Variants in TRPM3 observed in about 807,000 individuals in gnomAD.
TRPM3 encodes long transient receptor potential channel 3.
In TRPM3, 77 loss-of-function variants were observed where a neutral mutation model predicts 181.2. That is an observed-to-expected ratio of 0.42 (90% CI 0.35 to 0.51). The LOEUF is 0.51. Among genes scored for constraint, TRPM3 ranks in the 20% least tolerant of loss-of-function variants. The probability of loss-of-function intolerance (pLI) is 0.01; values close to 1 mark genes in which losing one functional copy is unlikely to be tolerated. For missense variants in TRPM3, 1,759 were observed against 2,196.7 expected (o/e 0.80, Z 3.98); for synonymous variants, 745 against 796.4 (o/e 0.94, Z 1.09).
rs928687142 is a variant in TRPM3 at position 70,759,821 on chromosome 9, C to T, written c.1272+1780G>A. ...ACACAGGGAGGGTAACATCGCACAC[C>T]AGGGCCTCTCAGGGGGTGGGGGGCT... On this transcript the variant is annotated intron_variant, in intron 8 of 25. Transcript: ENST00000677713. Among the ~76,000 whole-genome samples the T allele has an allele frequency of 4.6e-5, 7 of 151,986 alleles. No homozygotes were observed. In the South Asian group the frequency reaches 1.5e-3, roughly 32 times the overall value.
intron 8 of TRPM3, among the ~76,000 whole-genome samples, chr9:70,750,267 G>A (rs1283122622): frequency 6.6e-6 from 1 of 152,204 alleles, no homozygotes; most frequent in Admixed American, 6.5e-5. Flanking sequence ...AAGTATGGGA[G>A]TTTGGAAAGC....
chr9:71,387,045 T>G (rs2092940844), intron 1 of TRPM3, among the ~76,000 whole-genome samples: 1 of 152,202 alleles, frequency 6.6e-6, no homozygotes, highest in Non-Finnish European at 1.5e-5. Context: ...GATAGTTATC[T>G]AACATATAAG....
At chr9:71,067,794 C>T (rs1054819700) in intron 1 of TRPM3, among the ~76,000 whole-genome samples, 3 of 152,120 alleles carry the variant, frequency 2.0e-5, no homozygotes, top group South Asian at 2.1e-4. Flanking sequence ...TTTTTAAAGT[C>T]CTCGGAGATA....
intron 1 of TRPM3, among the ~76,000 whole-genome samples, chr9:71,420,690 G>GA (rs2093720293): frequency 1.5e-4 from 1 of 6,808 alleles, no homozygotes; most frequent in Admixed American, 2.5e-3. Flanking sequence ...AAAGAGAAAG[G>GA]GAAAGAGAAA....
At position 71,347,034 on chromosome 9, in the gene TRPM3, G is replaced by C. The variant is rs1185200660; in HGVS notation, c.183+99619C>G. Among the ~76,000 whole-genome samples the C allele has an allele frequency of 2.0e-5, 3 of 152,150 alleles. 1 individual carries two copies. Among genetic ancestry groups the C allele is most frequent in the African/African-American group, 7.2e-5 (3 of 41,432 alleles). On this transcript the variant is annotated intron_variant, in intron 1 of 24. Coordinates refer to the TRPM3 transcript ENST00000357533. ...ATTAAACAAATCCCAAAAGGGGAGG[G>C]AGCTTCCCAATAATGAAAAGGTAAG... is the stretch of plus-strand genomic sequence containing the variant.
intron 19 of TRPM3, among the ~76,000 whole-genome samples, chr9:70,606,647 G>GTGTA (rs1554775858): frequency 1.2e-5 from 1 of 85,220 alleles, no homozygotes; most frequent in Non-Finnish European, 2.7e-5. Flanking sequence ...GTGTGTGTGT[G>GTGTA]TGTGTATATA....
chr9:70,634,801 A>G (rs1456527618), intron 12 of TRPM3, among the ~76,000 whole-genome samples: 1 of 152,010 alleles, frequency 6.6e-6, no homozygotes, highest in Non-Finnish European at 1.5e-5. Context: ...TGCTTACTAC[A>G]CTCTATGTAA....
rs114658035 is a variant in TRPM3, at chr9:70,553,673, A to G, written c.3224-363T>C. On this transcript the variant is annotated intron_variant, in intron 22 of 25. Coordinates refer to ENST00000677713, the MANE Select transcript of TRPM3 (RefSeq NM_001366145.2). ...TCTTGGGTGTGCCCAGGGAGAAGAA[A>G]GTCCCACCACTGGCAAGTTACTTTC... Among the ~76,000 whole-genome samples the G allele has an allele frequency of 3.0e-3, 461 of 152,292 alleles. 3 individuals carry two copies. Among genetic ancestry groups the G allele is most frequent in the African/African-American group, 0.011 (442 of 41,558 alleles).
intron 6 of TRPM3, among the ~76,000 whole-genome samples, chr9:70,818,455 A>G (rs2092890322): frequency 6.6e-6 from 1 of 152,200 alleles, no homozygotes; most frequent in Non-Finnish European, 1.5e-5. Flanking sequence ...TAAAGCGCCC[A>G]CATTTCTGGG....
At chr9:71,266,332 G>A (rs936031802) in intron 1 of TRPM3, among the ~76,000 whole-genome samples, 10 of 151,842 alleles carry the variant, frequency 6.6e-5, no homozygotes, top group African/African-American at 2.4e-4. Flanking sequence ...TATATCATGA[G>A]GGAGTGGCAA....
intron 1 of TRPM3, among the ~76,000 whole-genome samples, chr9:71,405,132 G>A (rs1328763481): frequency 5.3e-5 from 8 of 152,038 alleles, no homozygotes; most frequent in Admixed American, 3.9e-4. Context: ...TGCCTCATAC[G>A]AATTATCAGT....
chr9:71,166,789 C>T (rs187046891), intron 1 of TRPM3, among the ~76,000 whole-genome samples: 20 of 152,106 alleles, frequency 1.3e-4, no homozygotes, highest in Admixed American at 3.9e-4. Flanking sequence ...TCTTTGATTA[C>T]GTAAAAGTAA....
At chr9:71,407,432 G>A (rs914270552) in intron 1 of TRPM3, among the ~76,000 whole-genome samples, 3 of 152,238 alleles carry the variant, frequency 2.0e-5, no homozygotes, top group Non-Finnish European at 4.4e-5. Flanking sequence ...TATATCCTGT[G>A]GATGGCTTGG....
intron 1 of TRPM3, among the ~76,000 whole-genome samples, chr9:71,388,933 C>T (rs1032322287): frequency 6.6e-6 from 1 of 151,600 alleles, no homozygotes; most frequent in South Asian, 2.1e-4. Context: ...CAGATCCTGC[C>T]GTAAAAATTA....
intron 1 of TRPM3, among the ~76,000 whole-genome samples, chr9:71,037,144 G>A (rs2058299620): frequency 6.6e-6 from 1 of 152,094 alleles, no homozygotes; most frequent in Non-Finnish European, 1.5e-5. Context: ...TTTCCTTTTA[G>A]GGTTATTAAT....
At chr9:71,040,641 G>T (rs1490885291) in intron 1 of TRPM3, among the ~76,000 whole-genome samples, 1 of 152,154 alleles carries the variant, frequency 6.6e-6, no homozygotes, top group Non-Finnish European at 1.5e-5. Flanking sequence ...AAGAGGAATA[G>T]GATATTTACA....
intron 1 of TRPM3, among the ~76,000 whole-genome samples, chr9:71,144,121 C>G (rs888315773): frequency 6.6e-6 from 1 of 152,064 alleles, no homozygotes; most frequent in Non-Finnish European, 1.5e-5. Context: ...TTCCTTAAAC[C>G]ATAATATTCC....
At position 70,532,161 on chromosome 9, in the gene TRPM3, G is replaced by C. The variant is rs990867080; in HGVS notation, c.*3792C>G. ...ATAGATAGAGCATGATGGATGACCG[G>C]GTAATATTTATCATCTTTAAAGAAA... On this transcript the variant is annotated 3_prime_UTR_variant, in exon 26 of 26. Coordinates refer to ENST00000677713, the MANE Select transcript of TRPM3 (RefSeq NM_001366145.2). The C allele has an allele frequency of 6.6e-6, 1 of 151,982 alleles. No homozygotes were observed. Among genetic ancestry groups the C allele is most frequent in the Non-Finnish European group, 1.5e-5 (1 of 68,000 alleles). 9.4% of individuals were successfully genotyped at this position (151,982 alleles called of 1,614,324 possible). A position where few individuals can be genotyped will look rare whatever the true frequency, so the allele number is the denominator to read the frequency against.
chr9:70,927,673 A>G (rs2096734271), intron 1 of TRPM3, among the ~76,000 whole-genome samples: 1 of 152,184 alleles, frequency 6.6e-6, no homozygotes, highest in African/African-American at 2.4e-5. Context: ...GCCTGCGCAC[A>G]GAGTCTGCAG....
Sources: gnomAD v4.1 joint callset for allele counts (sites outside exome capture counted in the v4.1 genomes callset) on GRCh38, gnomAD v4.1.1 for gene constraint, MANE v1.5 for transcripts, NCBI Gene and HGNC (gene_info 2026-07-23, HGNC 2026-07-21) for gene names.